The following PDE3B variants were observed in gnomAD, a reference collection of about 807,000 sequenced individuals.
PDE3B encodes the protein cGMP-inhibited 3',5'-cyclic phosphodiesterase 3B.
In PDE3B, 66 loss-of-function variants were observed where a neutral mutation model predicts 116.8. That is an observed-to-expected ratio of 0.56 (90% confidence interval 0.46 to 0.69). PDE3B has a LOEUF of 0.69. PDE3B is among the 30% of genes least tolerant of loss of function. The pLI is 0.00. For missense variants in PDE3B, 1,384 were observed against 1,368.1 expected (o/e 1.01, Z -0.18); for synonymous variants, 595 against 533.6 (o/e 1.12, Z -1.59).
At chr11:14,688,424 C>G (rs1854951337) in intron 1 of PDE3B, among the ~76,000 whole-genome samples, 1 of 152,060 alleles carries the variant, frequency 6.6e-6, no homozygotes, top group African/African-American at 2.4e-5. Flanking sequence ...TATGTCAGCA[C>G]TTTATCCTAT....
At chr11:14,667,773 G>A (rs1854222423) in intron 1 of PDE3B, among the ~76,000 whole-genome samples, 1 of 151,262 alleles carries the variant, frequency 6.6e-6, no homozygotes, top group South Asian at 2.1e-4. Context: ...CAGCAACATG[G>A]CACATATATA....
At chr11:14,873,276 A>C (rs555421540), downstream of PDE3B, among the ~76,000 whole-genome samples, 1 of 152,302 alleles carries the variant, frequency 6.6e-6, no homozygotes, top group East Asian at 1.9e-4. Flanking sequence ...ACTTCATTCT[A>C]TTTTGTAGAA....
chr11:14,875,264 C>T (rs555443004), downstream of PDE3B, among the ~76,000 whole-genome samples: 4 of 152,198 alleles, frequency 2.6e-5, no homozygotes, highest in South Asian at 2.1e-4. Context: ...CCTGTGGCTT[C>T]GTCTATGCAT....
At chr11:14,723,411 C>A (rs1431595817) in intron 1 of PDE3B, among the ~76,000 whole-genome samples, 1 of 152,120 alleles carries the variant, frequency 6.6e-6, no homozygotes, top group East Asian at 1.9e-4. Flanking sequence ...TACATATTTA[C>A]AGACTGAGGT....
chr11:14,834,105 A>G (rs1859978972), intron 10 of PDE3B, among the ~76,000 whole-genome samples: 1 of 152,204 alleles, frequency 6.6e-6, no homozygotes, highest in South Asian at 2.1e-4. Context: ...GTAAATTGTT[A>G]GTAAAAGGTG....
chr11:14,802,627 A>G (rs1858809690), intron 4 of PDE3B, among the ~76,000 whole-genome samples: 3 of 152,088 alleles, frequency 2.0e-5, no homozygotes, highest in Admixed American at 2.0e-4. Context: ...ACATTTTTCT[A>G]TTTGAATGTT....
chr11:14,847,733 T>C (rs1418921266), intron 12 of PDE3B, among the ~76,000 whole-genome samples: 1 of 151,882 alleles, frequency 6.6e-6, no homozygotes, highest in African/African-American at 2.4e-5. Context: ...AACTAGAAAA[T>C]CTAGAAGAAA....
chr11:14,825,490 C>A (rs1253469108), intron 7 of PDE3B, among the ~76,000 whole-genome samples: 3 of 152,094 alleles, frequency 2.0e-5, no homozygotes, highest in Non-Finnish European at 4.4e-5. Flanking sequence ...AGGTTGCAAT[C>A]CTAATTTCAG....
At chr11:14,878,202 C>G in the PDE3B span, 1 of 1,613,226 alleles carries the variant, frequency 6.2e-7, no homozygotes. Context: ...GGAACTAGTT[C>G]ATGTGGAAAA....
intron 1 of PDE3B, among the ~76,000 whole-genome samples, chr11:14,713,847 A>G (rs947598626): frequency 1.3e-5 from 2 of 152,218 alleles, no homozygotes; most frequent in Admixed American, 6.5e-5. Context: ...TATAAGCAGG[A>G]TTTCAGTAGA....
At chr11:14,723,570 A>G (rs1856188333) in intron 1 of PDE3B, among the ~76,000 whole-genome samples, 1 of 152,012 alleles carries the variant, frequency 6.6e-6, no homozygotes, top group Admixed American at 6.6e-5. Flanking sequence ...CCTGGGCAAT[A>G]TAGTGAGACC....
chr11:14,667,430 A>G (rs934114781), intron 1 of PDE3B, among the ~76,000 whole-genome samples: 11 of 151,424 alleles, frequency 7.3e-5, no homozygotes, highest in African/African-American at 2.7e-4. Context: ...AACTTAAAGT[A>G]TAATAATAAT....
At chr11:14,778,140 G>T (rs553832746) in intron 2 of PDE3B, among the ~76,000 whole-genome samples, 1 of 152,312 alleles carries the variant, frequency 6.6e-6, no homozygotes, top group South Asian at 2.1e-4. Flanking sequence ...CATTGCTGAG[G>T]CTTGAGTAGG....
At chr11:14,829,997 T>C (rs1727278611) in intron 7 of PDE3B, among the ~76,000 whole-genome samples, 1 of 152,198 alleles carries the variant, frequency 6.6e-6, no homozygotes, top group African/African-American at 2.4e-5. Flanking sequence ...GTATATACTT[T>C]TATGCCTGGC....
intron 1 of PDE3B, among the ~76,000 whole-genome samples, chr11:14,710,728 CAG>C (rs2133827827): frequency 6.6e-6 from 1 of 152,266 alleles, no homozygotes; most frequent in Non-Finnish European, 1.5e-5. Flanking sequence ...AGGAGAGAGA[CAG>C]AGACTGAGGG....
At chr11:14,878,225 C>T in the PDE3B span, 2 of 1,613,190 alleles carry the variant, frequency 1.2e-6, no homozygotes, top group East Asian at 4.5e-5. Flanking sequence ...CAAATGAAAC[C>T]TCTGAAGCAA....
At chr11:14,663,107 C>A (rs1853991258) in intron 1 of PDE3B, among the ~76,000 whole-genome samples, 1 of 152,136 alleles carries the variant, frequency 6.6e-6, no homozygotes, top group Non-Finnish European at 1.5e-5. Context: ...AACAGCGGAT[C>A]TCTCAGCAGA....
At chr11:14,675,839 C>T (rs1012350759) in intron 1 of PDE3B, among the ~76,000 whole-genome samples, 1 of 152,066 alleles carries the variant, frequency 6.6e-6, no homozygotes, top group African/African-American at 2.4e-5. Flanking sequence ...AATTAGGCTG[C>T]TCTGAGCATT....
At chr11:14,765,333 T>C (rs1309092280) in intron 1 of PDE3B, among the ~76,000 whole-genome samples, 1 of 151,976 alleles carries the variant, frequency 6.6e-6, no homozygotes, top group Non-Finnish European at 1.5e-5. Context: ...TAAAGCCTCA[T>C]TGACGTAATT....
Sources: allele counts gnomAD v4.1 joint callset (sites outside exome capture counted in the v4.1 genomes callset), GRCh38; gene constraint gnomAD v4.1.1; transcripts MANE v1.5; gene names NCBI Gene and HGNC (gene_info 2026-07-23, HGNC 2026-07-21).